The following SPOCK1 variants were observed in gnomAD, a reference collection of about 807,000 sequenced individuals.
SPOCK1 encodes testican-1.
A neutral mutation model predicts 55.3 loss-of-function variants in SPOCK1; 23 were observed. The observed-to-expected ratio is 0.42, with a 90% CI of 0.30 to 0.59. SPOCK1 has a LOEUF of 0.59. SPOCK1 is among the 20% of genes least tolerant of loss of function. The probability of loss-of-function intolerance (pLI) is 0.22; values close to 1 mark genes in which losing one functional copy is unlikely to be tolerated. For synonymous variants in SPOCK1, 226 were observed against 221.0 expected (o/e 1.02, Z -0.20); for missense variants, 499 against 552.5 (o/e 0.90, Z 0.97).
chr5:137,419,214 T>G (rs572075027), intron 2 of SPOCK1, among the ~76,000 whole-genome samples: 1 of 152,328 alleles, frequency 6.6e-6, no homozygotes, highest in Non-Finnish European at 1.5e-5. Flanking sequence ...CCTTGTAGTA[T>G]AGTTTGAAGT....
chr5:137,215,389 C>A (rs1042994975), intron 3 of SPOCK1, among the ~76,000 whole-genome samples: 5 of 152,036 alleles, frequency 3.3e-5, no homozygotes, highest in African/African-American at 1.2e-4. Flanking sequence ...TCAGATTTTT[C>A]CCTCCCACCT....
chr5:137,339,840 G>T (rs1315939392), intron 2 of SPOCK1, among the ~76,000 whole-genome samples: 2 of 152,078 alleles, frequency 1.3e-5, no homozygotes, highest in African/African-American at 4.8e-5. Context: ...GAAGTGGCTG[G>T]GCCTGAAAGC....
chr5:137,401,727 C>G (rs1285804821), intron 2 of SPOCK1, among the ~76,000 whole-genome samples: 1 of 151,986 alleles, frequency 6.6e-6, no homozygotes, highest in Non-Finnish European at 1.5e-5. Context: ...CTGGGTGACA[C>G]AGTGAGACCC....
At chr5:137,073,690 G>T (rs761332783) in intron 5 of SPOCK1, among the ~76,000 whole-genome samples, 1 of 151,250 alleles carries the variant, frequency 6.6e-6, no homozygotes, top group Non-Finnish European at 1.5e-5. Flanking sequence ...TTTTTTACAA[G>T]AGAATAGCAG....
At chr5:137,438,650 G>GCA (rs3072679) in intron 2 of SPOCK1, among the ~76,000 whole-genome samples, 55,941 of 150,570 alleles carry the variant, frequency 0.37, 10,898 homozygotes, top group East Asian at 0.64. Flanking sequence ...ATTTGCATAT[G>GCA]CACACACACA....
chr5:137,431,318 G>A (rs1176305535), intron 2 of SPOCK1, among the ~76,000 whole-genome samples: 4 of 152,210 alleles, frequency 2.6e-5, no homozygotes, highest in Non-Finnish European at 4.4e-5. Flanking sequence ...AGACACACTT[G>A]GGTTTGTGTA....
At chr5:137,351,130 C>T (rs1455299821) in intron 2 of SPOCK1, among the ~76,000 whole-genome samples, 1 of 152,130 alleles carries the variant, frequency 6.6e-6, no homozygotes, top group Admixed American at 6.5e-5. Flanking sequence ...AGCCCAACAG[C>T]CAGAAGAATC....
chr5:137,230,285 G>T (rs1299257486), intron 3 of SPOCK1, among the ~76,000 whole-genome samples: 1 of 152,148 alleles, frequency 6.6e-6, no homozygotes, highest in African/African-American at 2.4e-5. Context: ...CAGCCAGTCA[G>T]AAAAAGACAT....
chr5:137,066,633 A>T (rs550229593), intron 6 of SPOCK1, among the ~76,000 whole-genome samples: 4 of 152,362 alleles, frequency 2.6e-5, no homozygotes, highest in African/African-American at 7.2e-5. Context: ...TATATTAGTT[A>T]ACTTTTCTTA....
At position 136,991,178 on chromosome 5, in the gene SPOCK1, TCA is replaced by T. The variant is rs10588407; in HGVS notation, c.706+1304_706+1305del. Among the ~76,000 whole-genome samples the T allele has an allele frequency of 4.6e-3, 705 of 152,218 alleles. 10 individuals carry two copies. Among genetic ancestry groups the T allele is most frequent in the African/African-American group, 0.016 (684 of 41,534 alleles). ...TGGAGGCTGCAAGCAGCTGCTCTCC[TCA>T]CATCAATCTGCTTTTGTTGATAGGT... On this transcript the variant is annotated intron_variant, in intron 7 of 10. Transcript: ENST00000394945.
rs1750970547 is a variant in SPOCK1, at chr5:136,992,617, A to C, written c.590-17T>G. ...CTGTGCAGGCTAGAGAAAAGCAAAC[A>C]GAACAGACAATGGGGCTGGGGGCTT... On this transcript the variant is annotated splice_polypyrimidine_tract_variant and intron_variant, in intron 6 of 10. Coordinates refer to ENST00000394945, the MANE Select transcript of SPOCK1 (RefSeq NM_004598.4). 1 of 1,600,220 alleles carries C rather than the reference A, an allele frequency of 6.2e-7. No individual in the cohort carries two copies. Among genetic ancestry groups the C allele is most frequent in the African/African-American group, 1.3e-5 (1 of 74,458 alleles).
intron 5 of SPOCK1, among the ~76,000 whole-genome samples, chr5:137,084,082 G>C (rs1752918741): frequency 6.6e-6 from 1 of 152,114 alleles, no homozygotes. Context: ...ATTATGATGA[G>C]AGTTCAGCTC....
intron 3 of SPOCK1, among the ~76,000 whole-genome samples, chr5:137,150,381 A>G (rs755156243): frequency 7.9e-5 from 12 of 152,072 alleles, no homozygotes; most frequent in Non-Finnish European, 1.3e-4. Context: ...TCCTCTCCTA[A>G]GTTTTGGGCA....
intron 2 of SPOCK1, among the ~76,000 whole-genome samples, chr5:137,273,993 G>C (rs1443004922): frequency 6.6e-6 from 1 of 152,184 alleles, no homozygotes; most frequent in African/African-American, 2.4e-5. Flanking sequence ...CCTCTTCTTA[G>C]GGACTTTCTG....
intron 5 of SPOCK1, among the ~76,000 whole-genome samples, chr5:137,098,090 C>T (rs1480299746): frequency 2.0e-5 from 3 of 152,178 alleles, no homozygotes; most frequent in Admixed American, 6.5e-5. Context: ...TGATAGATGG[C>T]TTATCAATGT....
chr5:137,401,900 G>A (rs962794517), intron 2 of SPOCK1, among the ~76,000 whole-genome samples: 1 of 151,996 alleles, frequency 6.6e-6, no homozygotes, highest in Non-Finnish European at 1.5e-5. Context: ...TTGGGTCCCT[G>A]CATCTCTTTC....
intron 2 of SPOCK1, among the ~76,000 whole-genome samples, chr5:137,358,387 CGGAAAGGA>C (rs1339305296): frequency 3.8e-5 from 3 of 78,996 alleles, no homozygotes; most frequent in Non-Finnish European, 7.6e-5. Context: ...ACCTTCATGA[CGGAAAGGA>C]AGGAAGGAAG....
intron 3 of SPOCK1, among the ~76,000 whole-genome samples, chr5:137,225,022 C>T (rs767791478): frequency 2.0e-5 from 3 of 152,072 alleles, no homozygotes; most frequent in South Asian, 2.1e-4. Context: ...GATTAAGTAC[C>T]GTTCTCCCCA....
At chr5:137,224,357 T>C (rs1755910244) in intron 3 of SPOCK1, among the ~76,000 whole-genome samples, 1 of 152,226 alleles carries the variant, frequency 6.6e-6, no homozygotes, top group Non-Finnish European at 1.5e-5. Flanking sequence ...GGTATACACA[T>C]ACATTGTGAC....
Sources: allele counts gnomAD v4.1 joint callset (sites outside exome capture counted in the v4.1 genomes callset), GRCh38; gene constraint gnomAD v4.1.1; transcripts MANE v1.5; gene names NCBI Gene and HGNC (gene_info 2026-07-23, HGNC 2026-07-21).